CUBN: variants seen among roughly 807,000 people sequenced by gnomAD.
CUBN encodes cubilin.
Under a neutral mutation model 405.3 loss-of-function variants are expected in CUBN, and 282 were observed. The observed-to-expected ratio is 0.70, with a 90% CI of 0.63 to 0.77. The LOEUF is 0.77. Among genes scored for constraint, CUBN ranks in the 30% least tolerant of loss-of-function variants. The pLI is 0.00. For synonymous variants in CUBN, 1,684 were observed against 1,617.0 expected, an observed-to-expected ratio of 1.04 and a Z score of -0.99; for missense variants, 4,514 against 4,475.2, an observed-to-expected ratio of 1.01 and a Z score of -0.25.
In CUBN at chr10:16,915,166, A is replaced by G; in HGVS notation, c.7217T>C (p.Ile2406Thr). ...EIWDNHTSGN[I>T]LGRYCGNTIP... ...GGTGTTTCCACAGTATCTGCCCAAG[A>G]TGTTTCCTGTGAGAGACAAATAATT... Residue 2406 changes from isoleucine (I) to threonine (T), a missense_variant, in exon 47 of 67, where the codon ATC becomes ACC. By Grantham distance (89) the Ile-to-Thr change is moderately conservative. Around this residue, in one of 5 missense-constraint regions of CUBN, gnomAD observed 1,613 missense variants for 1,542.8 expected, o/e 1.05. Coordinates refer to ENST00000377833, the MANE Select transcript of CUBN (RefSeq NM_001081.4). 2 of 1,613,836 alleles carry G rather than the reference A, an allele frequency of 1.2e-6. No homozygotes were observed. Among genetic ancestry groups the G allele is most frequent in the Non-Finnish European group, 1.7e-6 (2 of 1,179,960 alleles).
intron 8 of CUBN, among the ~76,000 whole-genome samples, chr10:17,111,796 C>G (rs1405747351): frequency 6.6e-6 from 1 of 152,098 alleles, no homozygotes; most frequent in African/African-American, 2.4e-5. Context: ...TGGTGGTTCA[C>G]GCCTGTAGTC....
intron 59 of CUBN, among the ~76,000 whole-genome samples, chr10:16,866,744 G>C (rs574007280): frequency 6.6e-6 from 1 of 152,174 alleles, no homozygotes; most frequent in East Asian, 1.9e-4. Context: ...GGGGAGACAA[G>C]CAGGCACATT....
chr10:17,019,123 A>G (rs1834424652), intron 28 of CUBN, among the ~76,000 whole-genome samples: 1 of 152,158 alleles, frequency 6.6e-6, no homozygotes, highest in African/African-American at 2.4e-5. Context: ...GCTGCTCTCT[A>G]GGGACCACAT....
chr10:16,879,661 C>T (rs1840613362), intron 56 of CUBN, among the ~76,000 whole-genome samples: 1 of 152,160 alleles, frequency 6.6e-6, no homozygotes, highest in Non-Finnish European at 1.5e-5. Context: ...TGACCCAATC[C>T]AGTCCAATAA....
At chr10:16,871,034 CTT>C (rs397968194) in intron 58 of CUBN, among the ~76,000 whole-genome samples, 2 of 145,364 alleles carry the variant, frequency 1.4e-5, no homozygotes, top group Non-Finnish European at 1.5e-5. Context: ...TCTGCTTTTT[CTT>C]TTTTTTTTTG....
chr10:16,925,781 A>T lies in CUBN; in HGVS notation c.6272-7T>A, dbSNP rs1333033381. 1 of 1,613,358 alleles carries T rather than the reference A, an allele frequency of 6.2e-7. No individual in the cohort carries two copies. Among genetic ancestry groups the T allele is most frequent in the Admixed American group, 1.7e-5 (1 of 59,988 alleles). ...TGCAAATATCCACCGCAGCCTTCCCACAAAGAAACAAAGGTCGGTTATTTA... is the reference window on the plus strand; with the variant it reads ...TGCAAATATCCACCGCAGCCTTCCCTCAAAGAAACAAAGGTCGGTTATTTA... On this transcript the variant is annotated splice_polypyrimidine_tract_variant and splice_region_variant and intron_variant, in intron 41 of 66. Coordinates refer to ENST00000377833, the MANE Select transcript of CUBN (RefSeq NM_001081.4).
intron 32 of CUBN, among the ~76,000 whole-genome samples, chr10:16,952,856 G>A (rs976091229): frequency 6.6e-6 from 1 of 152,218 alleles, no homozygotes; most frequent in Non-Finnish European, 1.5e-5. Context: ...GTCACCGCTG[G>A]AGGGCGTAAG....
At chr10:16,909,030 C>A (rs1162630575) in intron 48 of CUBN, among the ~76,000 whole-genome samples, 1 of 151,508 alleles carries the variant, frequency 6.6e-6, no homozygotes, top group Non-Finnish European at 1.5e-5. Context: ...CTACAGGTGC[C>A]CGCCACCGCG....
chr10:16,894,590 T>C (rs1417830240), intron 54 of CUBN, among the ~76,000 whole-genome samples: 1 of 152,220 alleles, frequency 6.6e-6, no homozygotes, highest in African/African-American at 2.4e-5. Flanking sequence ...TCTTGATTAC[T>C]GTAACTTAGA....
chr10:16,916,875 C>T (rs1411297549), intron 45 of CUBN, among the ~76,000 whole-genome samples: 5 of 147,840 alleles, frequency 3.4e-5, no homozygotes, highest in East Asian at 2.0e-4. Context: ...AGTGCAGTGG[C>T]GCAATCTCGG....
chr10:17,076,715 A>G (rs1355789931), intron 17 of CUBN, among the ~76,000 whole-genome samples: 1 of 152,154 alleles, frequency 6.6e-6, no homozygotes, highest in Non-Finnish European at 1.5e-5. Context: ...GTGATACACC[A>G]ATTTCCACAT....
At chr10:16,936,780 T>C (rs901134280) in intron 39 of CUBN, among the ~76,000 whole-genome samples, 4 of 152,230 alleles carry the variant, frequency 2.6e-5, no homozygotes, top group Non-Finnish European at 5.9e-5. Flanking sequence ...TGGCATGTTC[T>C]CGGCTCACTA....
intron 56 of CUBN, among the ~76,000 whole-genome samples, chr10:16,879,805 T>A (rs111558450): frequency 6.6e-6 from 1 of 152,184 alleles, no homozygotes; most frequent in Non-Finnish European, 1.5e-5. Flanking sequence ...ACTCCCACGA[T>A]AGCCAATTTC....
chr10:16,957,303 G>A (rs1843092179), intron 31 of CUBN, among the ~76,000 whole-genome samples: 5 of 152,100 alleles, frequency 3.3e-5, no homozygotes, highest in Admixed American at 3.3e-4. Flanking sequence ...ATCTTTCTGT[G>A]CCTGGCTTAT....
chr10:16,990,215 T>G, intron 29 of CUBN, 119 bp downstream of exon 29: 1 of 991,722 alleles, frequency 1.0e-6, no homozygotes, highest in South Asian at 1.3e-5. Context: ...TGATGCTCAT[T>G]AAAATGTCTA....
At position 16,869,557 on chromosome 10, in the gene CUBN, T is replaced by TGGGGGGGGGGGGGG. The variant is rs59702069; in HGVS notation, c.9454+78_9454+79insCCCCCCCCCCCCCC. Reference sequence around the variant, plus strand: ...AAAAGCAATCATAATCAGGTGGGGGTGGGGGGGGGGCGGGGAAATTAAATA... The same window carrying TGGGGGGGGGGGGGG: ...AAAAGCAATCATAATCAGGTGGGGGTGGGGGGGGGGGGGGGGGGGGGGGGCGGGGAAATTAAATA... On this transcript the variant is annotated intron_variant, in intron 59 of 66. Coordinates refer to ENST00000377833, the MANE Select transcript of CUBN (RefSeq NM_001081.4). The TGGGGGGGGGGGGGG allele has an allele frequency of 6.3e-6, 4 of 632,096 alleles. No homozygotes were observed. In the African/African-American group the frequency reaches 7.6e-5, roughly 12 times the overall value. 39.2% of individuals were successfully genotyped at this position (632,096 alleles called of 1,614,324 possible).
intron 54 of CUBN, among the ~76,000 whole-genome samples, chr10:16,896,142 A>G (rs1018490464): frequency 3.9e-5 from 6 of 152,142 alleles, no homozygotes; most frequent in African/African-American, 1.2e-4. Flanking sequence ...CAACTTTTCC[A>G]TATCATTATA....
At chr10:16,971,305 C>A (rs930957362) in intron 31 of CUBN, among the ~76,000 whole-genome samples, 2 of 152,208 alleles carry the variant, frequency 1.3e-5, no homozygotes, top group African/African-American at 4.8e-5. Context: ...CGTCCAGTGT[C>A]CATCTGGCTG....
chr10:17,044,195 A>G (rs1220938451), intron 25 of CUBN, among the ~76,000 whole-genome samples: 3 of 146,946 alleles, frequency 2.0e-5, no homozygotes, highest in African/African-American at 7.4e-5. Context: ...ATATTTTTAT[A>G]TATGTATTCA....
Sources: allele counts gnomAD v4.1 joint callset (sites outside exome capture counted in the v4.1 genomes callset), GRCh38; gene constraint gnomAD v4.1.1; regional missense constraint gnomAD v4.1.1; transcripts MANE v1.5; gene names NCBI Gene and HGNC (gene_info 2026-07-23, HGNC 2026-07-21).